Variants in FRA10AC1 observed in about 807,000 individuals in gnomAD.
The protein encoded by FRA10AC1 is protein FRA10AC1.
In FRA10AC1, 43 loss-of-function variants were observed where a neutral mutation model predicts 56.5. That is an observed-to-expected ratio of 0.76 (90% CI 0.60 to 0.98). The LOEUF is 0.98. FRA10AC1 is among the 50% of genes least tolerant of loss of function. The pLI is 0.00. For synonymous variants in FRA10AC1, 112 were observed against 110.5 expected, an observed-to-expected ratio of 1.01 and a Z score of -0.09; for missense variants, 346 against 351.8, an observed-to-expected ratio of 0.98 and a Z score of 0.13.
In FRA10AC1 at chr10:93,692,650, T is replaced by G; in HGVS notation, c.376A>C (p.Thr126Pro). The change falls in exon 6 of 14, where the codon ACT becomes CCT. Residue 126 changes from threonine to proline, a missense_variant. By Grantham distance (38) the Thr-to-Pro change is conservative. Coordinates refer to ENST00000359204, the MANE Select transcript of FRA10AC1 (RefSeq NM_145246.5). ...LWNEEDEMDM[T>P]WEKRLAKKYY... Reference sequence around the variant, plus strand: ...ACGCCTCTGATGGCTAATTACCAAGTCATGTCCATTTCGTCCTCCTCATTC... The same window carrying G: ...ACGCCTCTGATGGCTAATTACCAAGGCATGTCCATTTCGTCCTCCTCATTC... The G allele has an allele frequency of 6.3e-7, 1 of 1,586,004 alleles. No individual in the cohort carries two copies. The highest frequency in any genetic ancestry group is 2.3e-5 in the East Asian group (1 of 43,988).
rs1208029670 is a variant in FRA10AC1 at position 93,692,680 on chromosome 10, G to C, written c.346C>G (p.Leu116Val). Reference sequence around the variant, plus strand: ...TCCATTTCGTCCTCCTCATTCCATAGGAATCTATGATTTTCTCGTATAACA... The same window carrying C: ...TCCATTTCGTCCTCCTCATTCCATACGAATCTATGATTTTCTCGTATAACA... Reference protein sequence around the residue: ...LDVIRENHRFLWNEEDEMDMT... With the variant: ...LDVIRENHRFVWNEEDEMDMT... The change falls in exon 6 of 14, where the codon CTA becomes GTA. Residue 116 changes from leucine (L) to valine (V), a missense_variant. Leu to Val is a conservative substitution (Grantham distance 32, BLOSUM62 1). Coordinates refer to ENST00000359204, the MANE Select transcript of FRA10AC1 (RefSeq NM_145246.5). 6.3e-7 allele frequency: 1 copy of C among 1,598,578 alleles called. No homozygotes were observed. Among genetic ancestry groups the C allele is most frequent in the Non-Finnish European group, 8.5e-7 (1 of 1,173,534 alleles).
intron 4 of FRA10AC1, among the ~76,000 whole-genome samples, chr10:93,696,056 A>C (rs902911172): frequency 6.6e-6 from 1 of 152,230 alleles, no homozygotes; most frequent in Non-Finnish European, 1.5e-5. Context: ...GGGAAGATGG[A>C]GTAGGCAAAG....
chr10:93,702,266 A>C (rs2059346950), intron 1 of FRA10AC1, 109 bp downstream of exon 1: 2 of 151,508 alleles, frequency 1.3e-5, no homozygotes, highest in Non-Finnish European at 2.9e-5. Flanking sequence ...AAAAAAAAAA[A>C]CCAAACCAAA....
In FRA10AC1 at chr10:93,683,488, T is replaced by C. The variant is rs541639943; in HGVS notation, c.668+568A>G. On this transcript the variant is annotated intron_variant, in intron 10 of 13. Transcript: ENST00000359204. ...GCCTCAGCCTCCCCAGTAGCTGGGA[T>C]TACAGGCACCTGCCACCACGCCCAG... 2.6e-5 allele frequency among the ~76,000 whole-genome samples: 4 copies of C among 152,188 alleles called. No individual in the cohort carries two copies. In the South Asian group the frequency reaches 8.3e-4, roughly 32 times the overall value.
At chr10:93,677,763 T>C (rs2058868725) in intron 11 of FRA10AC1, among the ~76,000 whole-genome samples, 1 of 152,214 alleles carries the variant, frequency 6.6e-6, no homozygotes, top group African/African-American at 2.4e-5. Flanking sequence ...CCCTGGGAAC[T>C]TGTTAGTAGA....
intron 12 of FRA10AC1, among the ~76,000 whole-genome samples, chr10:93,676,412 T>C (rs1232832673): frequency 6.6e-6 from 1 of 152,182 alleles, no homozygotes; most frequent in African/African-American, 2.4e-5. Context: ...GATATATCCA[T>C]TGTATTTACT....
chr10:93,695,781 G>A (rs2059223030), intron 4 of FRA10AC1, among the ~76,000 whole-genome samples: 1 of 151,900 alleles, frequency 6.6e-6, no homozygotes, highest in African/African-American at 2.4e-5. Context: ...TGGAGATCTG[G>A]ATTCTAGCTC....
chr10:93,691,855 G>C (rs1179985628), intron 7 of FRA10AC1, 154 bp downstream of exon 7: 1 of 725,462 alleles, frequency 1.4e-6, no homozygotes, highest in African/African-American at 1.9e-5. Flanking sequence ...CACAGCTGCA[G>C]AGGTTAAATG....
chr10:93,674,404 T>G (rs1214531752), intron 12 of FRA10AC1: 1 of 152,170 alleles, frequency 6.6e-6, no homozygotes, highest in African/African-American at 2.4e-5. Flanking sequence ...AGGTCTGAAA[T>G]TGCCAAGACC....
intron 6 of FRA10AC1, among the ~76,000 whole-genome samples, chr10:93,692,397 A>G (rs1462399299): frequency 6.6e-6 from 1 of 152,202 alleles, no homozygotes; most frequent in African/African-American, 2.4e-5. Flanking sequence ...ATATAATAAC[A>G]TATTACAAGA....
rs1273542288 is a variant in FRA10AC1, at chr10:93,669,572, C to T, written c.*254G>A. ...AACAATGGAATCTGTCCAGCTCTAT[C>T]CTCTAGGAGCTACAAATAAAACAGA... is the stretch of plus-strand genomic sequence containing the variant. On this transcript the variant is annotated 3_prime_UTR_variant, in exon 14 of 14. Coordinates refer to ENST00000359204, the MANE Select transcript of FRA10AC1 (RefSeq NM_145246.5). The T allele has an allele frequency of 2.3e-6, 1 of 433,962 alleles. No individual in the cohort carries two copies. The highest frequency in any genetic ancestry group is 4.1e-6 in the Non-Finnish European group (1 of 244,222). The allele number at this position is 433,962 out of a possible 1,614,324, so 26.9% of individuals were successfully genotyped here. A position where few individuals can be genotyped will look rare whatever the true frequency, so the allele number is the denominator to read the frequency against.
chr10:93,689,065 T>G (rs1408901453), intron 7 of FRA10AC1, among the ~76,000 whole-genome samples: 1 of 150,832 alleles, frequency 6.6e-6, no homozygotes, highest in East Asian at 1.9e-4. Context: ...GTGGGGTTTT[T>G]TTTTTTTTTT....
chr10:93,679,433 T>C (rs2058896269), intron 11 of FRA10AC1, among the ~76,000 whole-genome samples: 1 of 152,134 alleles, frequency 6.6e-6, no homozygotes, highest in Non-Finnish European at 1.5e-5. Flanking sequence ...AGGTGGGGGA[T>C]GAAATCAGGA....
intron 9 of FRA10AC1, among the ~76,000 whole-genome samples, chr10:93,684,635 G>A (rs1301881890): frequency 2.0e-5 from 3 of 151,810 alleles, no homozygotes; most frequent in African/African-American, 7.3e-5. Context: ...CTTTTATTAG[G>A]TATGAGCAGA....
At chr10:93,693,530 C>CACA (rs1564820238) in intron 5 of FRA10AC1, among the ~76,000 whole-genome samples, 1 of 10,280 alleles carries the variant, frequency 9.7e-5, no homozygotes, top group African/African-American at 2.8e-4. Context: ...TATATATACA[C>CACA]CATATATATA....
At chr10:93,702,134 T>C (rs2059344580) in intron 1 of FRA10AC1, among the ~76,000 whole-genome samples, 1 of 151,702 alleles carries the variant, frequency 6.6e-6, no homozygotes, top group South Asian at 2.1e-4. Context: ...GACCCATACC[T>C]ATCTTAACTC....
Position 93,669,601 on chromosome 10 carries a change from G to A in FRA10AC1, c.*225C>T. On this transcript the variant is annotated 3_prime_UTR_variant, in exon 14 of 14. Coordinates refer to ENST00000359204, the MANE Select transcript of FRA10AC1 (RefSeq NM_145246.5). ...TAGGAGCTACAAATAAAACAGAATTGTAGATAAGCAATTGAAAAGATATTT... is the reference window on the plus strand; with the variant it reads ...TAGGAGCTACAAATAAAACAGAATTATAGATAAGCAATTGAAAAGATATTT... The A allele has an allele frequency of 1.9e-6, 1 of 512,896 alleles. No individual in the cohort carries two copies. The highest frequency in any genetic ancestry group is 3.5e-6 in the Non-Finnish European group (1 of 288,012). 31.8% of individuals were successfully genotyped at this position (512,896 alleles called of 1,614,324 possible).
chr10:93,671,871 ATTGT>A (rs1356457975), intron 12 of FRA10AC1: 2 of 347,494 alleles, frequency 5.8e-6, no homozygotes, highest in Admixed American at 4.5e-5. Flanking sequence ...ACATTTTCAA[ATTGT>A]TTGTATTTTA....
At chr10:93,685,419 C>A in intron 8 of FRA10AC1, 60 bp from the exon 9 acceptor site, 2 of 759,196 alleles carry the variant, frequency 2.6e-6, no homozygotes, top group South Asian at 3.3e-5. Context: ...TCTATATGAT[C>A]TAGTATTACC....
Sources: allele counts gnomAD v4.1 joint callset (sites outside exome capture counted in the v4.1 genomes callset), GRCh38; gene constraint gnomAD v4.1.1; transcripts MANE v1.5; gene names NCBI Gene and HGNC (gene_info 2026-07-23, HGNC 2026-07-21).